CDH18: variants seen among roughly 807,000 people sequenced by gnomAD.
CDH18 encodes the protein cadherin 18.
In CDH18, 31 loss-of-function variants were observed where a neutral mutation model predicts 67.9. The ratio of observed to expected loss-of-function variants is 0.46; its 90% confidence interval spans 0.34 to 0.62. The LOEUF (loss-of-function observed/expected upper bound fraction) is 0.62, where lower values mean the gene tolerates loss of function less well. Among genes scored for constraint, CDH18 ranks in the 20% least tolerant of loss-of-function variants. The probability of loss-of-function intolerance (pLI) is 0.01; values close to 1 mark genes in which losing one functional copy is unlikely to be tolerated. For synonymous variants in CDH18, 362 were observed against 347.2 expected (o/e 1.04, Z -0.48); for missense variants, 890 against 975.5 (o/e 0.91, Z 1.17).
chr5:20,059,933 C>A (rs1291246727), intron 2 of CDH18, among the ~76,000 whole-genome samples: 4 of 146,790 alleles, frequency 2.7e-5, no homozygotes, highest in Non-Finnish European at 4.4e-5. Context: ...AATGAGAACA[C>A]ATGGACACAG....
rs143922543 is a variant in CDH18, at chr5:19,772,456, T to C, written c.229-25220A>G. 3.7e-3 allele frequency among the ~76,000 whole-genome samples: 566 copies of C among 152,128 alleles called. 4 individuals carry two copies. Among genetic ancestry groups the C allele is most frequent in the Non-Finnish European group, 5.5e-3 (372 of 67,980 alleles). On this transcript the variant is annotated intron_variant, in intron 3 of 12. Transcript: ENST00000382275. Reference sequence around the variant, plus strand: ...GTTGAAGATGTTATAATACTTGCTTTAAAGCTGGAAAATGGGTTACAAGAG... The same window carrying C: ...GTTGAAGATGTTATAATACTTGCTTCAAAGCTGGAAAATGGGTTACAAGAG...
intron 2 of CDH18, among the ~76,000 whole-genome samples, chr5:20,146,397 C>T (rs921809732): frequency 2.2e-4 from 34 of 151,998 alleles, no homozygotes; most frequent in African/African-American, 6.5e-4. Context: ...GAGAAAGGAA[C>T]GCTAAGGTCT....
chr5:19,665,210 T>A (rs1435294270), intron 5 of CDH18, among the ~76,000 whole-genome samples: 1 of 152,048 alleles, frequency 6.6e-6, no homozygotes, highest in Admixed American at 6.6e-5. Flanking sequence ...ATAAACGATG[T>A]CAAAACTAAA....
At chr5:19,787,203 A>G (rs749739204) in intron 3 of CDH18, among the ~76,000 whole-genome samples, 63 of 152,130 alleles carry the variant, frequency 4.1e-4, no homozygotes, top group Non-Finnish European at 7.2e-4. Flanking sequence ...TCAAATTAGG[A>G]CAGTGCCTGG....
chr5:20,494,770 A>G (rs1295203197), intron 1 of CDH18, among the ~76,000 whole-genome samples: 6 of 152,166 alleles, frequency 3.9e-5, no homozygotes, highest in Non-Finnish European at 7.3e-5. Context: ...TGCAGCCTCG[A>G]AACATGAGTA....
chr5:19,911,994 A>C (rs1791197210), intron 2 of CDH18, among the ~76,000 whole-genome samples: 1 of 152,090 alleles, frequency 6.6e-6, no homozygotes, highest in South Asian at 2.1e-4. Flanking sequence ...TGAGATGTTA[A>C]GTAGTGGTAT....
intron 2 of CDH18, among the ~76,000 whole-genome samples, chr5:19,940,827 T>C (rs1209469417): frequency 6.6e-6 from 1 of 152,092 alleles, no homozygotes. Flanking sequence ...CAACAAAAAG[T>C]CTCCAATTAT....
chr5:19,836,388 T>C (rs1781638688), intron 3 of CDH18, among the ~76,000 whole-genome samples: 1 of 152,202 alleles, frequency 6.6e-6, no homozygotes, highest in Non-Finnish European at 1.5e-5. Flanking sequence ...TATTTCACTG[T>C]GTTTTTTATT....
At chr5:20,152,756 T>C (rs1751222883) in intron 2 of CDH18, among the ~76,000 whole-genome samples, 1 of 152,056 alleles carries the variant, frequency 6.6e-6, no homozygotes, top group African/African-American at 2.4e-5. Flanking sequence ...AGAGTCAACT[T>C]AGTTGGAGGA....
chr5:19,879,092 C>G lies in CDH18; in HGVS notation c.-256-39850G>C, dbSNP rs138682226. On this transcript the variant is annotated intron_variant, in intron 2 of 12. Transcript: ENST00000382275. Reference sequence around the variant, plus strand: ...TCTTTCAAGTCCAATGAATAATACTCTAATCTAAGCTTTCTAAGCTTTCTT... The same window carrying G: ...TCTTTCAAGTCCAATGAATAATACTGTAATCTAAGCTTTCTAAGCTTTCTT... 1.6e-4 allele frequency among the ~76,000 whole-genome samples: 25 copies of G among 152,038 alleles called. No individual in the cohort carries two copies. In the East Asian group the frequency reaches 4.8e-3, roughly 29 times the overall value.
intron 2 of CDH18, among the ~76,000 whole-genome samples, chr5:20,242,615 T>TAC (rs1561905902): frequency 1.1e-4 from 13 of 117,894 alleles, no homozygotes; most frequent in African/African-American, 3.8e-4. Context: ...AAAAAAAATA[T>TAC]ATATATATAT....
rs142963518 is a variant in CDH18 at position 19,471,614 on chromosome 5, C to T, written c.*1612G>A. ...ATGTGGCCAGTTTTAGAAAATAGGA[C>T]CATTATGGTATGAATTCTTACTTCA... On this transcript the variant is annotated 3_prime_UTR_variant, in exon 13 of 13. Transcript: ENST00000382275. Among the ~76,000 whole-genome samples, 276 of 151,884 alleles carry T rather than the reference C, an allele frequency of 1.8e-3. No individual in the cohort carries two copies. Among genetic ancestry groups the T allele is most frequent in the African/African-American group, 6.5e-3 (270 of 41,384 alleles).
At chr5:19,631,765 A>T in intron 5 of CDH18, among the ~76,000 whole-genome samples, 1 of 152,180 alleles carries the variant, frequency 6.6e-6, no homozygotes, top group East Asian at 1.9e-4. Flanking sequence ...TGGCATTTAT[A>T]TGTGTAATGA....
intron 1 of CDH18, among the ~76,000 whole-genome samples, chr5:20,411,353 A>G (rs1746755926): frequency 1.3e-5 from 2 of 152,072 alleles, no homozygotes; most frequent in African/African-American, 4.8e-5. Flanking sequence ...TAGGGAAAAG[A>G]GTATCTTCAA....
chr5:20,175,607 T>C (rs1400506346), intron 2 of CDH18, among the ~76,000 whole-genome samples: 1 of 152,064 alleles, frequency 6.6e-6, no homozygotes, highest in Non-Finnish European at 1.5e-5. Context: ...CTGTAGAGCT[T>C]TGTATTAGTA....
intron 1 of CDH18, among the ~76,000 whole-genome samples, chr5:20,295,222 G>A (rs1747392882): frequency 6.6e-6 from 1 of 151,998 alleles, no homozygotes; most frequent in Non-Finnish European, 1.5e-5. Context: ...ATTTTATATT[G>A]TTTTGCATCT....
intron 3 of CDH18, among the ~76,000 whole-genome samples, chr5:19,747,472 A>T (rs941010842): frequency 6.6e-5 from 10 of 152,074 alleles, no homozygotes; most frequent in Non-Finnish European, 1.0e-4. Context: ...TAAGAAAAAA[A>T]CAATAAATAA....
chr5:20,178,400 C>G (rs550573101), intron 2 of CDH18, among the ~76,000 whole-genome samples: 2 of 151,518 alleles, frequency 1.3e-5, no homozygotes, highest in South Asian at 4.2e-4. Flanking sequence ...CTCTGGAAAT[C>G]GTGACTAAAA....
rs73052771 is a variant in CDH18, at chr5:20,212,924, G to T, written c.-518+42520C>A. Reference sequence around the variant, plus strand: ...CATATCAGCATTTTTTTACTGTTTTGCTTTCTTATCATTTGTGTGTTTACT... The same window carrying T: ...CATATCAGCATTTTTTTACTGTTTTTCTTTCTTATCATTTGTGTGTTTACT... On this transcript the variant is annotated intron_variant, in intron 2 of 14. Coordinates refer to the CDH18 transcript ENST00000507958. 1.5e-3 allele frequency among the ~76,000 whole-genome samples: 228 copies of T among 151,970 alleles called. 1 individual carries two copies. Among genetic ancestry groups the T allele is most frequent in the African/African-American group, 5.4e-3 (222 of 41,482 alleles).
Sources: gnomAD v4.1 joint callset for allele counts (sites outside exome capture counted in the v4.1 genomes callset) on GRCh38, gnomAD v4.1.1 for gene constraint, MANE v1.5 for transcripts, NCBI Gene and HGNC (gene_info 2026-07-23, HGNC 2026-07-21) for gene names.